KAZN: variants seen among roughly 807,000 people sequenced by gnomAD.
KAZN encodes the protein kazrin, periplakin interacting protein, also known as kazrin.
A neutral mutation model predicts 87.4 loss-of-function variants in KAZN; 40 were observed. That is an observed-to-expected ratio of 0.46 (90% CI 0.36 to 0.60). The LOEUF is 0.60. KAZN is among the 20% of genes least tolerant of loss of function. KAZN has a pLI of 0.00. For synonymous variants in KAZN, 466 were observed against 458.3 expected (o/e 1.02, Z -0.22); for missense variants, 898 against 1,073.9 (o/e 0.84, Z 2.29).
chr1:14,264,634 C>T (rs544226434), intron 2 of KAZN, among the ~76,000 whole-genome samples: 1 of 152,318 alleles, frequency 6.6e-6, no homozygotes, highest in African/African-American at 2.4e-5. Flanking sequence ...TTACAAGATG[C>T]TGGTACCTTG....
chr1:14,119,630 G>A (rs529355472), intron 1 of KAZN, among the ~76,000 whole-genome samples: 18 of 152,302 alleles, frequency 1.2e-4, no homozygotes, highest in African/African-American at 4.3e-4. Context: ...TTACTGATTA[G>A]ATGGATTAAC....
chr1:15,063,711 T>C, intron 7 of KAZN, 89 bp downstream of exon 7: 5 of 1,070,624 alleles, frequency 4.7e-6, no homozygotes, highest in Non-Finnish European at 1.4e-6. Flanking sequence ...CCCACATCCA[T>C]GCCGCACACC....
Position 15,056,027 on chromosome 1 carries a change from A to G in KAZN, c.727-64A>G, listed in dbSNP as rs1557763250. 1 of 1,511,324 alleles carries G rather than the reference A, an allele frequency of 6.6e-7. No homozygotes were observed. Among genetic ancestry groups the G allele is most frequent in the Non-Finnish European group, 9.1e-7 (1 of 1,103,670 alleles). 93.6% of individuals were successfully genotyped at this position (1,511,324 alleles called of 1,614,324 possible). A position where few individuals can be genotyped will look rare whatever the true frequency, so the allele number is the denominator to read the frequency against. On this transcript the variant is annotated intron_variant, in intron 4 of 14. Coordinates refer to ENST00000376030, the MANE Select transcript of KAZN (RefSeq NM_201628.3). This position sits in a 1 kb window ranked among gnomAD's most constrained non-coding sequence, Gnocchi z 5.4. ...TCTCCCCATGGCGGTGGGTGGTGCC[A>G]AGCAGCTGGCCAAGAGTTCCCCTTG...
At chr1:14,792,139 C>T (rs1389320319) in intron 1 of KAZN, among the ~76,000 whole-genome samples, 1 of 152,160 alleles carries the variant, frequency 6.6e-6, no homozygotes, top group Non-Finnish European at 1.5e-5. Flanking sequence ...AAAAGTAGAC[C>T]ATCCGAAAGG....
At chr1:14,658,501 G>A (rs72636605) in intron 1 of KAZN, among the ~76,000 whole-genome samples, 28 of 152,112 alleles carry the variant, frequency 1.8e-4, no homozygotes, top group Non-Finnish European at 3.5e-4. Flanking sequence ...ACAGAGCCTG[G>A]GTCCTAGAAA....
In KAZN at chr1:14,556,960, G is replaced by A. The variant is rs1437155248; in HGVS notation, c.250-42023G>A. ...GCAATAAATGGCAGACCATTTGGAA[G>A]CTGAAAGAATTCATTCTGTGCTCAA... On this transcript the variant is annotated intron_variant, in intron 2 of 16. Coordinates refer to the KAZN transcript ENST00000636203. Among the ~76,000 whole-genome samples, 4 of 152,186 alleles carry A rather than the reference G, an allele frequency of 2.6e-5. No homozygotes were observed. The East Asian group carries it at 7.7e-4, about 29-fold the overall frequency.
chr1:14,003,597 T>C (rs960656080), intron 1 of KAZN, among the ~76,000 whole-genome samples: 7 of 152,128 alleles, frequency 4.6e-5, no homozygotes, highest in Non-Finnish European at 1.5e-5. Flanking sequence ...GTCATTTGAT[T>C]TGTAAGACCA....
intron 2 of KAZN, among the ~76,000 whole-genome samples, chr1:14,395,134 A>C (rs1662786447): frequency 6.6e-6 from 1 of 152,054 alleles, no homozygotes; most frequent in Admixed American, 6.6e-5. Flanking sequence ...AGGAGAGAGA[A>C]TGAGATGGAG....
chr1:14,256,811 C>T (rs1650553958), intron 2 of KAZN, among the ~76,000 whole-genome samples: 1 of 152,054 alleles, frequency 6.6e-6, no homozygotes, highest in Admixed American at 6.6e-5. Context: ...ATTTACTCTC[C>T]CCATGAAGGG....
chr1:14,478,245 GA>G (rs759038547), intron 2 of KAZN, among the ~76,000 whole-genome samples: 77 of 112,274 alleles, frequency 6.9e-4, no homozygotes, highest in East Asian at 8.5e-4. Flanking sequence ...AGGAAGGAAG[GA>G]AAAGAAGGAA....
chr1:14,473,250 T>A (rs1668546782), intron 2 of KAZN, among the ~76,000 whole-genome samples: 1 of 151,922 alleles, frequency 6.6e-6, no homozygotes, highest in Admixed American at 6.5e-5. Flanking sequence ...GACATACTTA[T>A]CTAAAGGTTT....
At chr1:14,571,909 G>A (rs1349110352) in intron 2 of KAZN, among the ~76,000 whole-genome samples, 2 of 152,168 alleles carry the variant, frequency 1.3e-5, no homozygotes, top group African/African-American at 2.4e-5. Flanking sequence ...TACTCCATCT[G>A]GAATTGAACC....
intron 1 of KAZN, among the ~76,000 whole-genome samples, chr1:14,792,648 G>A (rs964578501): frequency 3.3e-5 from 5 of 152,062 alleles, no homozygotes; most frequent in African/African-American, 1.2e-4. Context: ...AGAGACAAAC[G>A]CAAAGGCACA....
rs1676692075 is a variant in KAZN at position 14,598,768 on chromosome 1, C to A, written c.-230C>A. 2.2e-6 allele frequency: 3 copies of A among 1,347,460 alleles called. No individual in the cohort carries two copies. The Admixed American group carries it at 1.3e-4, about 56-fold the overall frequency. The allele number at this position is 1,347,460 out of a possible 1,614,324, so 83.5% of individuals were successfully genotyped here. A position where few individuals can be genotyped will look rare whatever the true frequency, so the allele number is the denominator to read the frequency against. On this transcript the variant is annotated 5_prime_UTR_variant, in exon 1 of 15. Transcript: ENST00000376030. The surrounding 1 kb of genome is among the most constrained non-coding windows in gnomAD (Gnocchi z 4.2). ...TCCTCCTTCTCCTCCTCTTTTTTCT[C>A]CTCCGCCTCCTCCCCCCGCCGCCTC... is the stretch of plus-strand genomic sequence containing the variant.
chr1:14,065,068 G>A (rs893193351), intron 1 of KAZN, among the ~76,000 whole-genome samples: 6 of 152,162 alleles, frequency 3.9e-5, no homozygotes, highest in South Asian at 2.1e-4. Flanking sequence ...TTAAATGTGG[G>A]TATGTGGGGC....
At chr1:14,114,505 C>T (rs1430594077) in intron 1 of KAZN, among the ~76,000 whole-genome samples, 3 of 152,048 alleles carry the variant, frequency 2.0e-5, no homozygotes, top group African/African-American at 7.2e-5. Context: ...TCTCTTTGCC[C>T]ACCCCACCGT....
At chr1:14,866,540 C>T (rs997413159) in intron 1 of KAZN, among the ~76,000 whole-genome samples, 2 of 152,102 alleles carry the variant, frequency 1.3e-5, no homozygotes, top group African/African-American at 4.8e-5. Context: ...ACCAGCTGGG[C>T]AACATCTTTT....
chr1:15,112,539 C>G lies in KAZN; in HGVS notation c.2161C>G (p.Arg721Gly). ...NSSGLKYKAG[R>G]LPLGKIGRGF... is the part of the protein sequence containing the mutation. ...CAGCGGTCTCAAGTACAAGGCTGGC[C>G]GGGTAAGTCTCTCAATGGATTTACC... The change falls in exon 14 of 15, where the codon CGG (arginine) becomes GGG (glycine). Residue 721 changes from arginine (R) to glycine (G), a missense_variant and splice_region_variant. Arg to Gly is a moderately radical substitution (Grantham distance 125). This residue lies in a region of KAZN where 127 missense variants were observed against 121.5 expected (regional missense o/e 1.04). Coordinates refer to ENST00000376030, the MANE Select transcript of KAZN (RefSeq NM_201628.3). The G allele has an allele frequency of 5.8e-6, 9 of 1,561,162 alleles. No individual in the cohort carries two copies. In the East Asian group the frequency reaches 1.4e-4, roughly 24 times the overall value.
At chr1:14,857,294 G>A (rs1269271812) in intron 1 of KAZN, among the ~76,000 whole-genome samples, 1 of 152,180 alleles carries the variant, frequency 6.6e-6, no homozygotes, top group Non-Finnish European at 1.5e-5. Flanking sequence ...GGAGGCTGAG[G>A]TGGGAGGATC....
Sources: allele counts gnomAD v4.1 joint callset (sites outside exome capture counted in the v4.1 genomes callset), GRCh38; gene constraint gnomAD v4.1.1; regional missense constraint gnomAD v4.1.1; non-coding constraint Gnocchi (gnomAD v3.1); transcripts MANE v1.5; gene names NCBI Gene and HGNC (gene_info 2026-07-23, HGNC 2026-07-21).